PPFIBP1: variants seen among roughly 807,000 people sequenced by gnomAD.
PPFIBP1 encodes the protein PPFIB scaffold protein 1.
A neutral mutation model predicts 137.8 loss-of-function variants in PPFIBP1; 112 were observed. The ratio of observed to expected loss-of-function variants is 0.81; its 90% CI spans 0.70 to 0.95. The LOEUF (loss-of-function observed/expected upper bound fraction) is 0.95, where lower values mean the gene tolerates loss of function less well. Ranked by LOEUF, PPFIBP1 falls within the 40% of genes least tolerant of loss-of-function variation. The pLI is 0.00. For synonymous variants in PPFIBP1, 378 were observed against 417.3 expected, an observed-to-expected ratio of 0.91 and a Z score of 1.15; for missense variants, 1,083 against 1,196.6, an observed-to-expected ratio of 0.91 and a Z score of 1.40.
At chr12:27,678,886 T>G (rs1593331821) in intron 19 of PPFIBP1, among the ~76,000 whole-genome samples, 2 of 126,830 alleles carry the variant, frequency 1.6e-5, no homozygotes, top group African/African-American at 3.0e-5. Flanking sequence ...AAAAAACATT[T>G]AAGAGAGAAA....
At chr12:27,543,694 C>T (rs552583575) in intron 1 of PPFIBP1, among the ~76,000 whole-genome samples, 9 of 152,176 alleles carry the variant, frequency 5.9e-5, no homozygotes, top group African/African-American at 1.7e-4. Flanking sequence ...TTCTAAGTTT[C>T]CTGTCATGTT....
intron 6 of PPFIBP1, 183 bp downstream of exon 6, chr12:27,648,025 T>C (rs965015501): frequency 2.8e-5 from 19 of 686,206 alleles, no homozygotes; most frequent in Admixed American, 4.3e-5. Context: ...ATAAAGTGTT[T>C]ATGTAATTAG....
chr12:27,567,273 C>T (rs7954357), intron 1 of PPFIBP1, among the ~76,000 whole-genome samples: 150,290 of 152,338 alleles, frequency 0.99, 74,169 homozygotes, highest in East Asian at 1. Context: ...GATTGAAACA[C>T]TGTTTAAAGA....
intron 1 of PPFIBP1, among the ~76,000 whole-genome samples, chr12:27,569,546 A>G (rs1326977085): frequency 2.0e-5 from 3 of 151,864 alleles, no homozygotes; most frequent in Non-Finnish European, 4.4e-5. Flanking sequence ...CTGTGCATAT[A>G]TCTACATTTT....
intron 1 of PPFIBP1, among the ~76,000 whole-genome samples, chr12:27,555,835 T>C (rs765530626): frequency 5.3e-5 from 8 of 152,218 alleles, no homozygotes; most frequent in Non-Finnish European, 1.2e-4. Context: ...TTTAAGCAAG[T>C]TGGGCACCAT....
At chr12:27,657,649 C>T (rs1388338009) in intron 9 of PPFIBP1, among the ~76,000 whole-genome samples, 2 of 152,020 alleles carry the variant, frequency 1.3e-5, no homozygotes, top group African/African-American at 4.8e-5. Context: ...GCAGGTATCA[C>T]AATTCCCTGT....
chr12:27,675,368 A>G (rs1205459071), intron 17 of PPFIBP1, among the ~76,000 whole-genome samples: 2 of 152,178 alleles, frequency 1.3e-5, no homozygotes, highest in Non-Finnish European at 2.9e-5. Context: ...TAATATCACT[A>G]AATTGTGCCA....
chr12:27,568,952 T>A (rs2049915435), intron 1 of PPFIBP1, among the ~76,000 whole-genome samples: 1 of 152,222 alleles, frequency 6.6e-6, no homozygotes, highest in South Asian at 2.1e-4. Flanking sequence ...AATTCTCTGT[T>A]ACCACAGAGA....
At chr12:27,620,501 A>G (rs1461805377) in intron 2 of PPFIBP1, among the ~76,000 whole-genome samples, 5 of 152,192 alleles carry the variant, frequency 3.3e-5, no homozygotes, top group East Asian at 1.9e-4. Flanking sequence ...GGTTTTAATC[A>G]ATGTCACTTT....
chr12:27,554,751 C>T (rs973080358), intron 1 of PPFIBP1, among the ~76,000 whole-genome samples: 4 of 151,932 alleles, frequency 2.6e-5, no homozygotes, highest in African/African-American at 4.8e-5. Context: ...TGCACGTTGT[C>T]GGAGATCCTA....
chr12:27,599,217 G>C (rs543950811), intron 2 of PPFIBP1: 17 of 200,070 alleles, frequency 8.5e-5, no homozygotes, highest in African/African-American at 4.0e-4. Flanking sequence ...ACTAGTATTT[G>C]AATCAGTAGA....
chr12:27,688,985 T>G (rs781604269), intron 26 of PPFIBP1, 30 bp from the exon 27 acceptor site: 2 of 1,584,048 alleles, frequency 1.3e-6, no homozygotes. Context: ...TGGTGACTTT[T>G]GACAAGCTTT....
chr12:27,630,693 G>A (rs529753200), intron 2 of PPFIBP1, among the ~76,000 whole-genome samples: 4 of 152,158 alleles, frequency 2.6e-5, no homozygotes, highest in South Asian at 4.2e-4. Flanking sequence ...ATTGTATAGC[G>A]GAAGTCTGGG....
intron 2 of PPFIBP1, among the ~76,000 whole-genome samples, chr12:27,594,824 A>G (rs2053001971): frequency 6.6e-6 from 1 of 152,220 alleles, no homozygotes; most frequent in African/African-American, 2.4e-5. Flanking sequence ...ACACATATAT[A>G]TCTGTACATT....
chr12:27,676,852 C>T (rs1051476486), intron 18 of PPFIBP1: 60 of 747,982 alleles, frequency 8.0e-5, no homozygotes, highest in Non-Finnish European at 1.3e-4. Flanking sequence ...TTCCCTTTGA[C>T]TTCATCATGG....
chr12:27,644,333 A>G (rs1215694069), intron 4 of PPFIBP1, among the ~76,000 whole-genome samples: 1 of 148,510 alleles, frequency 6.7e-6, no homozygotes, highest in Non-Finnish European at 1.5e-5. Flanking sequence ...CACAATTCTC[A>G]GCCTCCCGAA....
chr12:27,650,481 A>G (rs2058812499), intron 7 of PPFIBP1, among the ~76,000 whole-genome samples: 1 of 152,218 alleles, frequency 6.6e-6, no homozygotes, highest in Non-Finnish European at 1.5e-5. Flanking sequence ...GCTTAAATAC[A>G]TGGTTTCACT....
intron 2 of PPFIBP1, among the ~76,000 whole-genome samples, chr12:27,607,486 G>T (rs927402967): frequency 6.6e-6 from 1 of 152,170 alleles, no homozygotes; most frequent in Non-Finnish European, 1.5e-5. Context: ...TTGTCAGAGG[G>T]TCTTAAACTT....
At chr12:27,552,271 T>G (rs1353988910) in intron 1 of PPFIBP1, among the ~76,000 whole-genome samples, 1 of 152,232 alleles carries the variant, frequency 6.6e-6, no homozygotes, top group African/African-American at 2.4e-5. Flanking sequence ...GCATTTCTCC[T>G]GCATGTCTTT....
Sources: gnomAD v4.1 joint callset for allele counts (sites outside exome capture counted in the v4.1 genomes callset) on GRCh38, gnomAD v4.1.1 for gene constraint, MANE v1.5 for transcripts, NCBI Gene and HGNC (gene_info 2026-07-23, HGNC 2026-07-21) for gene names.